Variants in MSI2 observed in about 807,000 individuals in gnomAD.
The protein encoded by MSI2 is musashi RNA binding protein 2, also known as RNA-binding protein Musashi homolog 2.
MSI2 carries 17 observed loss-of-function variants against 45.6 expected under a neutral mutation model. The observed-to-expected ratio is 0.37, with a 90% CI of 0.26 to 0.56. The LOEUF (loss-of-function observed/expected upper bound fraction) is 0.56, where lower values mean the gene tolerates loss of function less well. Ranked by LOEUF, MSI2 falls within the 20% of genes least tolerant of loss-of-function variation. The probability of loss-of-function intolerance (pLI) is 0.77; values close to 1 mark genes in which losing one functional copy is unlikely to be tolerated. For synonymous variants in MSI2, 156 were observed against 158.2 expected (o/e 0.99, Z 0.11); for missense variants, 293 against 444.2 (o/e 0.66, Z 3.06).
intron 7 of MSI2, among the ~76,000 whole-genome samples, chr17:57,572,710 G>A (rs558710575): frequency 1.6e-4 from 24 of 152,298 alleles, no homozygotes; most frequent in African/African-American, 5.5e-4. Flanking sequence ...TGGCATCTCT[G>A]CTATGGAGGC....
chr17:57,533,167 C>T (rs775864749), intron 7 of MSI2, among the ~76,000 whole-genome samples: 22 of 152,188 alleles, frequency 1.4e-4, no homozygotes, highest in Non-Finnish European at 2.8e-4. Flanking sequence ...GGGATGCCCT[C>T]AGTTCCATCT....
chr17:57,571,853 G>A (rs762447211), intron 7 of MSI2, among the ~76,000 whole-genome samples: 9 of 152,272 alleles, frequency 5.9e-5, no homozygotes, highest in Middle Eastern at 3.4e-3. Context: ...AGCCGACTGC[G>A]TGCCTCTGCC....
intron 6 of MSI2, chr17:57,448,920 G>A (rs755078548): frequency 1.1e-4 from 17 of 152,216 alleles, no homozygotes; most frequent in African/African-American, 1.9e-4. Flanking sequence ...GGATTGGAGC[G>A]AGGATCACAC....
intron 5 of MSI2, among the ~76,000 whole-genome samples, chr17:57,318,346 G>A (rs930564520): frequency 7.9e-5 from 12 of 152,154 alleles, no homozygotes; most frequent in African/African-American, 2.7e-4. Flanking sequence ...CCCCCATTCC[G>A]GATTCTTCAC....
chr17:57,664,800 A>G (rs1282770677), intron 11 of MSI2, among the ~76,000 whole-genome samples: 2 of 152,184 alleles, frequency 1.3e-5, no homozygotes, highest in East Asian at 3.9e-4. Flanking sequence ...AGCTGCTGTC[A>G]ATGAGCAAAT....
chr17:57,582,815 TG>T (rs1241125295), intron 7 of MSI2, among the ~76,000 whole-genome samples: 2 of 152,246 alleles, frequency 1.3e-5, no homozygotes, highest in East Asian at 1.9e-4. Context: ...GAAATGTTCA[TG>T]TTTTTTTTCA....
chr17:57,472,798 C>A (rs1361845643), intron 6 of MSI2, among the ~76,000 whole-genome samples: 1 of 152,152 alleles, frequency 6.6e-6, no homozygotes, highest in African/African-American at 2.4e-5. Context: ...GAGCTACCTT[C>A]TACCCTGCAG....
At chr17:57,279,509 G>A (rs188301709) in intron 5 of MSI2, 1 of 152,420 alleles carries the variant, frequency 6.6e-6, no homozygotes, top group African/African-American at 2.4e-5. Flanking sequence ...TGCAACAAAT[G>A]TCTGGAGCTC....
At chr17:57,329,775 C>G (rs1914093409) in intron 5 of MSI2, among the ~76,000 whole-genome samples, 1 of 152,276 alleles carries the variant, frequency 6.6e-6, no homozygotes, top group Non-Finnish European at 1.5e-5. Flanking sequence ...AATCAGAACC[C>G]CTGTTTTCCG....
At chr17:57,277,668 G>A (rs775580775) in intron 5 of MSI2, among the ~76,000 whole-genome samples, 3 of 152,138 alleles carry the variant, frequency 2.0e-5, no homozygotes, top group Non-Finnish European at 1.5e-5. Context: ...CTTGACCTTG[G>A]GGAGTTCACT....
At chr17:57,649,912 G>A (rs898490241) in intron 10 of MSI2, among the ~76,000 whole-genome samples, 4 of 152,150 alleles carry the variant, frequency 2.6e-5, no homozygotes, top group African/African-American at 9.7e-5. Flanking sequence ...GTGGGGTGGC[G>A]ACTATGGAGC....
rs779373986 is a variant in MSI2 at position 57,339,923 on chromosome 17, C to T, written c.313-61456C>T. On this transcript the variant is annotated intron_variant, in intron 5 of 13. Transcript: ENST00000284073. Reference sequence around the variant, plus strand: ...CCAAGGTCCCTGGCCTCCAGTGTGGCGGTCCCTCAGAAGCTCATCAGTGAC... The same window carrying T: ...CCAAGGTCCCTGGCCTCCAGTGTGGTGGTCCCTCAGAAGCTCATCAGTGAC... 2.5e-4 allele frequency among the ~76,000 whole-genome samples: 38 copies of T among 152,220 alleles called. 1 individual carries two copies. Among genetic ancestry groups the T allele is most frequent in the African/African-American group, 6.0e-4 (25 of 41,556 alleles).
At chr17:57,641,567 A>G (rs1365586771) in intron 10 of MSI2, among the ~76,000 whole-genome samples, 2 of 152,224 alleles carry the variant, frequency 1.3e-5, no homozygotes, top group Non-Finnish European at 2.9e-5. Flanking sequence ...GCATCGGAAC[A>G]GGGAACTCTG....
chr17:57,584,367 A>C (rs17221462), intron 7 of MSI2, among the ~76,000 whole-genome samples: 3,997 of 152,254 alleles, frequency 0.026, 101 homozygotes, highest in East Asian at 0.069. Context: ...GTCTCTTGCA[A>C]ACCACTCATC....
intron 7 of MSI2, among the ~76,000 whole-genome samples, chr17:57,545,384 C>A (rs2087141390): frequency 6.6e-6 from 1 of 152,186 alleles, no homozygotes; most frequent in African/African-American, 2.4e-5. Flanking sequence ...GAACCAGCTA[C>A]CATATTTATA....
At chr17:57,595,356 T>C (rs1186063989) in intron 7 of MSI2, among the ~76,000 whole-genome samples, 1 of 142,240 alleles carries the variant, frequency 7.0e-6, no homozygotes, top group Non-Finnish European at 1.5e-5. Context: ...GTCTTCCTGC[T>C]TGGTGTGTCT....
At chr17:57,362,775 T>G (rs1027300536) in intron 5 of MSI2, among the ~76,000 whole-genome samples, 6 of 152,208 alleles carry the variant, frequency 3.9e-5, no homozygotes, top group Non-Finnish European at 8.8e-5. Context: ...AGTGCTTGTC[T>G]TTGTATAATG....
chr17:57,274,747 T>C (rs1908699058), intron 5 of MSI2, among the ~76,000 whole-genome samples: 1 of 152,254 alleles, frequency 6.6e-6, no homozygotes, highest in Non-Finnish European at 1.5e-5. Context: ...GACAAATTCA[T>C]GTGCCATAAC....
intron 6 of MSI2, among the ~76,000 whole-genome samples, chr17:57,427,202 GC>G (rs148973357): frequency 0.051 from 7,786 of 152,198 alleles, 274 homozygotes; most frequent in Non-Finnish European, 0.078. Flanking sequence ...TTCAAGACCA[GC>G]CTGGCCAACA....
Sources: allele counts gnomAD v4.1 joint callset (sites outside exome capture counted in the v4.1 genomes callset), GRCh38; gene constraint gnomAD v4.1.1; transcripts MANE v1.5; gene names NCBI Gene and HGNC (gene_info 2026-07-23, HGNC 2026-07-21).